The following SERPINB11 variants were observed in gnomAD, a reference collection of about 807,000 sequenced individuals.
The protein encoded by SERPINB11 is serpin B11.
SERPINB11 carries 32 observed loss-of-function variants against 36.7 expected under a neutral mutation model. The ratio of observed to expected loss-of-function variants is 0.87; its 90% CI spans 0.66 to 1.17. SERPINB11 has a LOEUF of 1.17. Ranked by LOEUF, SERPINB11 falls within the 50% of genes most tolerant of loss-of-function variation. The probability of loss-of-function intolerance (pLI) is 0.00; values close to 1 mark genes in which losing one functional copy is unlikely to be tolerated. For missense variants in SERPINB11, 528 were observed against 458.4 expected (o/e 1.15, Z -1.39); for synonymous variants, 174 against 168.1 (o/e 1.04, Z -0.27).
At chr18:63,711,535 T>A (rs1359571388) in intron 3 of SERPINB11, 141 bp downstream of exon 3, 1 of 645,494 alleles carries the variant, frequency 1.5e-6, no homozygotes, top group African/African-American at 1.8e-5. Context: ...TTCCTGATGA[T>A]AACTACAGCC....
At position 63,712,832 on chromosome 18, in the gene SERPINB11, G is replaced by T. The variant is rs1284582724; in HGVS notation, c.357+139G>T. The T allele has an allele frequency of 7.2e-6, 7 of 978,234 alleles. No homozygotes were observed. The African/African-American group carries it at 1.1e-4, about 16-fold the overall frequency. 60.6% of individuals were successfully genotyped at this position (978,234 alleles called of 1,614,324 possible). ...CTTTGTGCTAACTTACAGTTTCAGT[G>T]AAATGGATTTATTGAAACTCTCATG... On this transcript the variant is annotated intron_variant, in intron 4 of 7. Transcript: ENST00000544088.
chr18:63,717,636 T>C (rs115163944), intron 5 of SERPINB11, among the ~76,000 whole-genome samples: 74 of 152,138 alleles, frequency 4.9e-4, no homozygotes, highest in African/African-American at 1.6e-3. Flanking sequence ...ATGCTGCATA[T>C]CCTCCTTTGT....
rs1177942962 is a variant in SERPINB11, at chr18:63,723,198, A to G, written c.978A>G (p.Leu326=). 1.9e-6 allele frequency: 3 copies of G among 1,613,610 alleles called. No individual in the cohort carries two copies. Among genetic ancestry groups the G allele is most frequent in the African/African-American group, 2.7e-5 (2 of 74,908 alleles). ...CTGGAATGTCACCAACCAAGGGCCT[A>G]TATTTATCAAAAGCCATCCACAAGT... The part of the protein sequence containing the change: ...DLSGMSPTKG[L]YLSKAIHKSY... Residue 326 remains leucine, a synonymous_variant, in exon 8 of 8, where the codon CTA becomes CTG. Transcript: ENST00000544088.
chr18:63,702,783 T>G (rs1451812228), upstream of SERPINB11: 14 of 152,274 alleles, frequency 9.2e-5, no homozygotes, highest in Non-Finnish European at 2.9e-5. Flanking sequence ...AGTGCTGGGA[T>G]TACAGGAATG....
intron 4 of SERPINB11, among the ~76,000 whole-genome samples, chr18:63,713,966 T>C (rs1463031843): frequency 3.9e-5 from 6 of 152,206 alleles, no homozygotes; most frequent in Non-Finnish European, 8.8e-5. Context: ...TACTTAAGGT[T>C]GTTTCAACCA....
At chr18:63,708,765 A>T (rs1256303445) in intron 1 of SERPINB11, among the ~76,000 whole-genome samples, 1 of 152,206 alleles carries the variant, frequency 6.6e-6, no homozygotes, top group Non-Finnish European at 1.5e-5. Flanking sequence ...TATTGGTGAC[A>T]TTGGAGGAAT....
At chr18:63,707,874 A>G (rs1914412888) in intron 1 of SERPINB11, among the ~76,000 whole-genome samples, 1 of 152,198 alleles carries the variant, frequency 6.6e-6, no homozygotes, top group African/African-American at 2.4e-5. Context: ...TAATAAATAC[A>G]TATGTAGTAA....
chr18:63,710,221 G>A lies in SERPINB11; in HGVS notation c.28G>A (p.Glu10Lys), dbSNP rs1240059714. Residue 10 changes from glutamate (E) to lysine (K), a missense_variant, in exon 2 of 8, where the codon GAA becomes AAA. Coordinates refer to ENST00000544088, the MANE Select transcript of SERPINB11 (RefSeq NM_001370475.1). ...GGGTTCTCTCAGCACAGCTAACGTT[G>A]AATTTTGCCTTGATGTGTTCAAAGA... Reference protein sequence around the residue: MGSLSTANVEFCLDVFKELN... With the variant: MGSLSTANVKFCLDVFKELN... 3 of 1,611,584 alleles carry A rather than the reference G, an allele frequency of 1.9e-6. No homozygotes were observed. The African/African-American group carries it at 4.0e-5, about 22-fold the overall frequency.
intron 7 of SERPINB11, 66 bp downstream of exon 7, chr18:63,721,052 A>G: frequency 7.9e-7 from 1 of 1,272,926 alleles, no homozygotes; most frequent in Non-Finnish European, 1.1e-6. Flanking sequence ...ACACACACAG[A>G]CACACTGTGT....
intron 2 of SERPINB11, among the ~76,000 whole-genome samples, chr18:63,710,604 A>G (rs1914498324): frequency 6.6e-6 from 1 of 152,242 alleles, no homozygotes; most frequent in Admixed American, 6.5e-5. Flanking sequence ...TATCACAAAT[A>G]AATCTCTGCA....
chr18:63,714,084 C>T (rs1362550365), intron 4 of SERPINB11, among the ~76,000 whole-genome samples: 1 of 152,192 alleles, frequency 6.6e-6, no homozygotes, highest in East Asian at 1.9e-4. Flanking sequence ...TTCTGTTTTC[C>T]CTATGTGTCG....
chr18:63,709,453 A>T (rs1288121088), intron 1 of SERPINB11, among the ~76,000 whole-genome samples: 1 of 151,988 alleles, frequency 6.6e-6, no homozygotes, highest in African/African-American at 2.4e-5. Context: ...CTACCAAAAA[A>T]TACAAAAGTT....
At chr18:63,716,298 C>T (rs920393258) in intron 5 of SERPINB11, 146 bp downstream of exon 5, 8 of 507,624 alleles carry the variant, frequency 1.6e-5, no homozygotes, top group Non-Finnish European at 2.4e-5. Context: ...TTTGGAATAC[C>T]CCTTACAATC....
At chr18:63,722,960 G>T in intron 7 of SERPINB11, 35 bp from the exon 8 acceptor site, 1 of 1,516,112 alleles carries the variant, frequency 6.6e-7, no homozygotes, top group South Asian at 1.4e-5. Flanking sequence ...TCGTGTGTTT[G>T]ACTCATGTGG....
chr18:63,715,555 T>A (rs989864926), intron 4 of SERPINB11, among the ~76,000 whole-genome samples: 1 of 152,192 alleles, frequency 6.6e-6, no homozygotes, highest in Non-Finnish European at 1.5e-5. Flanking sequence ...AATGTTTTTA[T>A]TATTAATTAT....
At chr18:63,714,991 TA>T (rs1914629960) in intron 4 of SERPINB11, among the ~76,000 whole-genome samples, 1 of 152,158 alleles carries the variant, frequency 6.6e-6, no homozygotes, top group Admixed American at 6.5e-5. Flanking sequence ...ATAAAAGTAT[TA>T]ATTTGAGGAA....
intron 5 of SERPINB11, among the ~76,000 whole-genome samples, chr18:63,718,637 T>C (rs888072300): frequency 1.3e-5 from 2 of 152,042 alleles, no homozygotes; most frequent in African/African-American, 4.8e-5. Context: ...CACTTAATAA[T>C]TCTAGTTTAG....
chr18:63,718,721 T>C (rs1181772156), intron 5 of SERPINB11, among the ~76,000 whole-genome samples: 1 of 152,094 alleles, frequency 6.6e-6, no homozygotes, highest in Non-Finnish European at 1.5e-5. Flanking sequence ...TTATATCACT[T>C]AACAGTGATG....
Position 63,722,951 on chromosome 18 carries a change from C to T in SERPINB11, c.775-44C>T, listed in dbSNP as rs373934605. The T allele has an allele frequency of 2.2e-5, 33 of 1,492,132 alleles. No individual in the cohort carries two copies. The Admixed American group carries it at 3.0e-4, about 13-fold the overall frequency. 92.4% of individuals were successfully genotyped at this position (1,492,132 alleles called of 1,614,324 possible). On this transcript the variant is annotated intron_variant, in intron 7 of 7. Coordinates refer to ENST00000544088, the MANE Select transcript of SERPINB11 (RefSeq NM_001370475.1). ...AACATATGATATTTAATGTAGAGGT[C>T]GTGTGTTTGACTCATGTGGGCTTGT...
Sources: allele counts gnomAD v4.1 joint callset (sites outside exome capture counted in the v4.1 genomes callset), GRCh38; gene constraint gnomAD v4.1.1; transcripts MANE v1.5; gene names NCBI Gene and HGNC (gene_info 2026-07-23, HGNC 2026-07-21).